Variants in DPP10 observed in about 807,000 individuals in gnomAD.
DPP10 encodes the protein inactive dipeptidyl peptidase 10.
A neutral mutation model predicts 120.9 loss-of-function variants in DPP10; 33 were observed. That is an observed-to-expected ratio of 0.27 (90% confidence interval 0.21 to 0.37). The LOEUF is 0.37. Among genes scored for constraint, DPP10 ranks in the 10% least tolerant of loss-of-function variants. The pLI, the probability that DPP10 is intolerant of heterozygous loss-of-function variation, is 1.00. For synonymous variants in DPP10, 337 were observed against 326.1 expected, an observed-to-expected ratio of 1.03 and a Z score of -0.36; for missense variants, 816 against 942.8, an observed-to-expected ratio of 0.87 and a Z score of 1.76.
At chr2:115,010,407 T>G (rs1330000323) in intron 1 of DPP10, among the ~76,000 whole-genome samples, 1 of 152,192 alleles carries the variant, frequency 6.6e-6, no homozygotes, top group African/African-American at 2.4e-5. Context: ...AGTTTACACA[T>G]AAATGATGTA....
chr2:114,463,883 A>C (rs997350272), intron 1 of DPP10, among the ~76,000 whole-genome samples: 2 of 152,176 alleles, frequency 1.3e-5, no homozygotes, highest in Admixed American at 1.3e-4. Flanking sequence ...TCGTGTGAAT[A>C]AGATCATAGA....
intron 1 of DPP10, among the ~76,000 whole-genome samples, chr2:114,905,122 A>G (rs555940568): frequency 6.6e-6 from 1 of 152,314 alleles, no homozygotes; most frequent in African/African-American, 2.4e-5. Flanking sequence ...GCCAGCAACC[A>G]TGTCAAAACT....
At chr2:115,159,282 C>T (rs2052124822) in intron 1 of DPP10, among the ~76,000 whole-genome samples, 1 of 152,080 alleles carries the variant, frequency 6.6e-6, no homozygotes, top group Admixed American at 6.6e-5. Flanking sequence ...CACGGTGAAA[C>T]CCCGTCTCCA....
chr2:115,226,916 G>A (rs1290861456), intron 1 of DPP10, among the ~76,000 whole-genome samples: 3 of 151,980 alleles, frequency 2.0e-5, no homozygotes, highest in Non-Finnish European at 2.9e-5. Flanking sequence ...CATTCATTTC[G>A]GAAGAACTAC....
intron 1 of DPP10, among the ~76,000 whole-genome samples, chr2:114,445,720 G>T (rs999697541): frequency 1.3e-5 from 2 of 152,118 alleles, no homozygotes; most frequent in Non-Finnish European, 2.9e-5. Flanking sequence ...AATGGAACAA[G>T]ATGATCAAGA....
chr2:114,483,041 C>T (rs1435717186), intron 1 of DPP10, among the ~76,000 whole-genome samples: 1 of 152,112 alleles, frequency 6.6e-6, no homozygotes, highest in Admixed American at 6.6e-5. Context: ...AATGTTTGGA[C>T]TCGTTTTTCC....
At chr2:114,710,192 A>G in intron 1 of DPP10, among the ~76,000 whole-genome samples, 1 of 152,254 alleles carries the variant, frequency 6.6e-6, no homozygotes, top group East Asian at 1.9e-4. Context: ...TCATTAGCAC[A>G]TACCTATGCT....
intron 1 of DPP10, among the ~76,000 whole-genome samples, chr2:114,488,394 A>G (rs1681696394): frequency 6.6e-6 from 1 of 152,198 alleles, no homozygotes; most frequent in East Asian, 1.9e-4. Flanking sequence ...TTAAGTGAGG[A>G]CACATATTTC....
At chr2:115,033,056 T>C (rs1490343473) in intron 1 of DPP10, among the ~76,000 whole-genome samples, 1 of 152,188 alleles carries the variant, frequency 6.6e-6, no homozygotes, top group Non-Finnish European at 1.5e-5. Context: ...AGTCAGTCCT[T>C]GCAGGGCACT....
At chr2:115,632,437 C>G (rs996841372) in intron 5 of DPP10, among the ~76,000 whole-genome samples, 1 of 151,684 alleles carries the variant, frequency 6.6e-6, no homozygotes. Flanking sequence ...TTTGTGTGTC[C>G]TTGGTCTTTG....
chr2:115,304,046 C>G (rs2061258446), intron 1 of DPP10, among the ~76,000 whole-genome samples: 1 of 151,974 alleles, frequency 6.6e-6, no homozygotes, highest in African/African-American at 2.4e-5. Flanking sequence ...TCGGATTATT[C>G]AGCATAAATG....
chr2:115,518,293 C>G (rs1464028702), intron 4 of DPP10, among the ~76,000 whole-genome samples: 1 of 152,064 alleles, frequency 6.6e-6, no homozygotes, highest in Non-Finnish European at 1.5e-5. Flanking sequence ...ATGAATATAT[C>G]AAATCTGGCA....
chr2:115,759,583 TATG>T lies in DPP10; in HGVS notation c.1075-2986_1075-2984del, dbSNP rs1394832012. ...CTTTGCAAGTGGGAATGTAAAATGA[TATG>T]ATTACATTAAAATAATATTTTAGTT... is the stretch of plus-strand genomic sequence containing the variant. On this transcript the variant is annotated intron_variant, in intron 11 of 25. Coordinates refer to ENST00000410059, the MANE Select transcript of DPP10 (RefSeq NM_020868.6). Among the ~76,000 whole-genome samples, 45 of 152,250 alleles carry T rather than the reference TATG, an allele frequency of 3.0e-4. 1 individual carries two copies. In the South Asian group the frequency reaches 5.6e-3, roughly 19 times the overall value.
rs532495242 is a variant in DPP10 at position 115,460,146 on chromosome 2, T to G, written c.272-39364T>G. Among the ~76,000 whole-genome samples the G allele has an allele frequency of 2.6e-5, 4 of 152,104 alleles. No homozygotes were observed. In the East Asian group the frequency reaches 7.7e-4, roughly 29 times the overall value. ...ATTCAGTGGTAATGTGAGTTTCAATTTTTAGCTTTATAGGTACTTTCTAGT... is the reference window on the plus strand; with the variant it reads ...ATTCAGTGGTAATGTGAGTTTCAATGTTTAGCTTTATAGGTACTTTCTAGT... On this transcript the variant is annotated intron_variant, in intron 3 of 25. Transcript: ENST00000410059.
intron 1 of DPP10, chr2:114,835,579 G>A (rs990748088): frequency 6.7e-6 from 1 of 148,970 alleles, no homozygotes; most frequent in Non-Finnish European, 1.5e-5. Context: ...TTTTCTAGTG[G>A]AAGGCTGATC....
intron 1 of DPP10, among the ~76,000 whole-genome samples, chr2:114,621,304 A>G (rs1694074048): frequency 6.6e-6 from 1 of 152,052 alleles, no homozygotes; most frequent in Non-Finnish European, 1.5e-5. Context: ...CCATCCCCCA[A>G]ACAGTAAAGC....
At chr2:115,311,637 T>G (rs1276280732) in intron 2 of DPP10, among the ~76,000 whole-genome samples, 2 of 152,160 alleles carry the variant, frequency 1.3e-5, no homozygotes, top group African/African-American at 4.8e-5. Context: ...TTTTATAACT[T>G]TCACCTCCAA....
intron 1 of DPP10, among the ~76,000 whole-genome samples, chr2:114,844,050 C>T (rs1316855876): frequency 2.0e-5 from 3 of 152,252 alleles, no homozygotes; most frequent in East Asian, 1.9e-4. Flanking sequence ...AATCATTCCT[C>T]TTGGAATTCT....
intron 4 of DPP10, among the ~76,000 whole-genome samples, chr2:115,513,812 A>G (rs901618359): frequency 1.3e-5 from 2 of 151,932 alleles, no homozygotes; most frequent in Non-Finnish European, 2.9e-5. Flanking sequence ...AAATGTGTTT[A>G]TGTTTTCTTT....
Sources: allele counts gnomAD v4.1 joint callset (sites outside exome capture counted in the v4.1 genomes callset), GRCh38; gene constraint gnomAD v4.1.1; transcripts MANE v1.5; gene names NCBI Gene and HGNC (gene_info 2026-07-23, HGNC 2026-07-21).